FAM78B: variants seen among roughly 807,000 people sequenced by gnomAD.
FAM78B encodes protein FAM78B.
FAM78B carries 10 observed loss-of-function variants against 20.0 expected under a neutral mutation model. The ratio of observed to expected loss-of-function variants is 0.50; its 90% CI spans 0.31 to 0.85. The LOEUF (loss-of-function observed/expected upper bound fraction) is 0.85, where lower values mean the gene tolerates loss of function less well. FAM78B is among the 40% of genes least tolerant of loss of function. The probability of loss-of-function intolerance (pLI) is 0.05; values close to 1 mark genes in which losing one functional copy is unlikely to be tolerated. For missense variants in FAM78B, 283 were observed against 345.0 expected (o/e 0.82, Z 1.42); for synonymous variants, 135 against 132.8 (o/e 1.02, Z -0.12).
chr1:166,065,540 T>C (rs1257514858), downstream of FAM78B, among the ~76,000 whole-genome samples: 2 of 152,202 alleles, frequency 1.3e-5, no homozygotes, highest in Non-Finnish European at 2.9e-5. Context: ...AAACTCTTTA[T>C]AAACTGTAAA....
At chr1:166,086,940 C>G in intron 1 of FAM78B, 1 of 151,968 alleles carries the variant, frequency 6.6e-6, no homozygotes, top group South Asian at 2.1e-4. Flanking sequence ...TGGCTACATG[C>G]AGTGTGGCCA....
At chr1:166,105,384 A>C (rs1653729185) in intron 1 of FAM78B, among the ~76,000 whole-genome samples, 1 of 152,066 alleles carries the variant, frequency 6.6e-6, no homozygotes, top group Admixed American at 6.6e-5. Flanking sequence ...GAGCTTCTGC[A>C]CAGCAAAAGA....
At chr1:166,112,574 A>G (rs904261605) in intron 1 of FAM78B, among the ~76,000 whole-genome samples, 6 of 152,188 alleles carry the variant, frequency 3.9e-5, no homozygotes, top group African/African-American at 1.4e-4. Context: ...AGGAGTACAC[A>G]CTAACGTCCC....
chr1:166,148,705 A>T (rs1655566888), intron 1 of FAM78B, among the ~76,000 whole-genome samples: 1 of 152,230 alleles, frequency 6.6e-6, no homozygotes, highest in Non-Finnish European at 1.5e-5. Context: ...CTGTGCTGTC[A>T]CTTTGAGCCA....
At chr1:166,085,892 C>T (rs1036779826) in intron 1 of FAM78B, among the ~76,000 whole-genome samples, 19 of 152,172 alleles carry the variant, frequency 1.2e-4, no homozygotes, top group African/African-American at 1.9e-4. Context: ...GAGAGTCACA[C>T]AGCAAAACAT....
chr1:166,096,796 G>A (rs150121553), intron 1 of FAM78B, among the ~76,000 whole-genome samples: 540 of 152,262 alleles, frequency 3.5e-3, no homozygotes, highest in Non-Finnish European at 6.5e-3. Context: ...GGAGTCCTAC[G>A]ATCCAGAGAA....
intron 1 of FAM78B, among the ~76,000 whole-genome samples, 195 bp from the exon 2 acceptor site, chr1:166,070,958 G>A (rs942150705): frequency 6.6e-6 from 1 of 152,142 alleles, no homozygotes; most frequent in African/African-American, 2.4e-5. Flanking sequence ...AAATAACAAA[G>A]CCATGCCAAA....
intron 1 of FAM78B, among the ~76,000 whole-genome samples, chr1:166,086,120 T>C (rs1652819968): frequency 6.7e-6 from 1 of 149,800 alleles, no homozygotes; most frequent in Non-Finnish European, 1.5e-5. Context: ...TCAGGCTAAA[T>C]GACTCGCCAT....
chr1:166,134,113 T>C (rs1295791902), intron 1 of FAM78B, among the ~76,000 whole-genome samples: 1 of 152,230 alleles, frequency 6.6e-6, no homozygotes, highest in African/African-American at 2.4e-5. Flanking sequence ...TTTTCTGCAC[T>C]GTCCCTACAA....
At chr1:166,130,889 A>G (rs1654847617) in intron 1 of FAM78B, among the ~76,000 whole-genome samples, 2 of 152,064 alleles carry the variant, frequency 1.3e-5, no homozygotes, top group African/African-American at 4.8e-5. Context: ...CAGAACCAAC[A>G]AAGAATGCTG....
At chr1:166,110,424 G>A (rs537070984) in intron 1 of FAM78B, among the ~76,000 whole-genome samples, 3 of 152,092 alleles carry the variant, frequency 2.0e-5, no homozygotes, top group Non-Finnish European at 4.4e-5. Context: ...TTTCACTTCT[G>A]CTGTTTTGGA....
intron 1 of FAM78B, among the ~76,000 whole-genome samples, chr1:166,106,340 A>G (rs1266014215): frequency 8.2e-5 from 12 of 147,208 alleles, no homozygotes; most frequent in African/African-American, 2.0e-4. Flanking sequence ...ATGTACCCTA[A>G]AACTTAAATA....
At chr1:166,131,846 G>A (rs1654888861) in intron 1 of FAM78B, among the ~76,000 whole-genome samples, 1 of 152,212 alleles carries the variant, frequency 6.6e-6, no homozygotes, top group Non-Finnish European at 1.5e-5. Flanking sequence ...AGGGGTGGGA[G>A]ATGGAACCTG....
intron 1 of FAM78B, among the ~76,000 whole-genome samples, chr1:166,135,413 T>C (rs1314548477): frequency 1.3e-5 from 2 of 152,226 alleles, no homozygotes; most frequent in African/African-American, 2.4e-5. Flanking sequence ...GGAGATGGCA[T>C]AGCAGGAAGC....
At chr1:166,129,002 T>C (rs1390090598) in intron 1 of FAM78B, among the ~76,000 whole-genome samples, 3 of 152,106 alleles carry the variant, frequency 2.0e-5, no homozygotes, top group Non-Finnish European at 4.4e-5. Flanking sequence ...CAGACCAAAG[T>C]TGGGTCACCT....
At chr1:166,090,058 T>C (rs1420356023) in intron 1 of FAM78B, among the ~76,000 whole-genome samples, 1 of 152,134 alleles carries the variant, frequency 6.6e-6, no homozygotes. Flanking sequence ...AATTGCCTCT[T>C]GCAGAAATAG....
intron 1 of FAM78B, among the ~76,000 whole-genome samples, chr1:166,118,290 C>T (rs188983119): frequency 3.3e-5 from 5 of 152,106 alleles, no homozygotes; most frequent in East Asian, 1.9e-4. Flanking sequence ...TGAAGGGTGC[C>T]GTGGGACTCT....
intron 1 of FAM78B, among the ~76,000 whole-genome samples, chr1:166,112,844 C>A (rs1654109324): frequency 6.6e-6 from 1 of 152,172 alleles, no homozygotes; most frequent in Non-Finnish European, 1.5e-5. Flanking sequence ...TCCCATTTTA[C>A]AGATGTGGAA....
intron 1 of FAM78B, among the ~76,000 whole-genome samples, chr1:166,160,499 C>T (rs1656103940): frequency 6.6e-6 from 1 of 152,188 alleles, no homozygotes; most frequent in Admixed American, 6.5e-5. Context: ...AGAAGTAAGC[C>T]CTGTGCTGAG....
Sources: gnomAD v4.1 joint callset for allele counts (sites outside exome capture counted in the v4.1 genomes callset) on GRCh38, gnomAD v4.1.1 for gene constraint, MANE v1.5 for transcripts, NCBI Gene and HGNC (gene_info 2026-07-23, HGNC 2026-07-21) for gene names.